Variants in SH3BP1 observed in about 807,000 individuals in gnomAD.
SH3BP1 encodes SH3 domain binding protein 1, also known as SH3 domain-binding protein 1.
SH3BP1 carries 46 observed loss-of-function variants against 69.8 expected under a neutral mutation model. That is an observed-to-expected ratio of 0.66 (90% CI 0.52 to 0.84). The LOEUF (loss-of-function observed/expected upper bound fraction) is 0.84. Among genes scored for constraint, SH3BP1 ranks in the 40% least tolerant of loss-of-function variants. The probability of loss-of-function intolerance (pLI) is 0.00; values close to 1 mark genes in which losing one functional copy is unlikely to be tolerated. For missense variants in SH3BP1, 868 were observed against 930.9 expected, an observed-to-expected ratio of 0.93 and a Z score of 0.88; for synonymous variants, 403 against 378.0, an observed-to-expected ratio of 1.07 and a Z score of -0.77.
chr22:37,650,818 G>A lies in SH3BP1; in HGVS notation c.1598+93G>A, dbSNP rs538528689. Reference sequence around the variant, plus strand: ...CTCAGAGCTGGAAGCTGAATTTTTGGAAATGTAATTATTAGTGTTTTCATC... The same window carrying A: ...CTCAGAGCTGGAAGCTGAATTTTTGAAAATGTAATTATTAGTGTTTTCATC... On this transcript the variant is annotated intron_variant, in intron 16 of 17. Coordinates refer to ENST00000649765, the MANE Select transcript of SH3BP1 (RefSeq NM_018957.6). The A allele has an allele frequency of 7.1e-5, 103 of 1,455,378 alleles. 1 individual carries two copies. In the South Asian group the frequency reaches 1.3e-3, roughly 18 times the overall value. 90.2% of individuals were successfully genotyped at this position (1,455,378 alleles called of 1,614,324 possible). A position where few individuals can be genotyped will look rare whatever the true frequency, so the allele number is the denominator to read the frequency against.
chr22:37,653,017 A>G (rs1932914449), intron 16 of SH3BP1, among the ~76,000 whole-genome samples: 1 of 151,878 alleles, frequency 6.6e-6, no homozygotes, highest in Non-Finnish European at 1.5e-5. Flanking sequence ...CACGCCTGTA[A>G]TCTCAGCTAC....
Position 37,655,773 on chromosome 22 carries a change from A to G in SH3BP1, c.*89A>G. On this transcript the variant is annotated 3_prime_UTR_variant, in exon 18 of 18. Transcript: ENST00000649765. ...CAGCTCTCGCCCCCCACAAAGGGGC[A>G]TGGGCCTCCAGCCTTTGCCCACAAG... is the stretch of plus-strand genomic sequence containing the variant. The G allele has an allele frequency of 6.9e-7, 1 of 1,446,214 alleles. No homozygotes were observed. The highest frequency in any genetic ancestry group is 9.1e-7 in the Non-Finnish European group (1 of 1,104,768). The allele number at this position is 1,446,214 out of a possible 1,614,324, so 89.6% of individuals were successfully genotyped here. A position where few individuals can be genotyped will look rare whatever the true frequency, so the allele number is the denominator to read the frequency against.
At chr22:37,651,335 C>CCTTT (rs1932874962) in intron 16 of SH3BP1, among the ~76,000 whole-genome samples, 1 of 136,694 alleles carries the variant, frequency 7.3e-6, no homozygotes, top group African/African-American at 2.7e-5. Context: ...CACCCAGCCT[C>CCTTT]TTTTTTTTTT....
In SH3BP1 at chr22:37,655,777, G is replaced by C; in HGVS notation, c.*93G>C. On this transcript the variant is annotated 3_prime_UTR_variant, in exon 18 of 18. Coordinates refer to ENST00000649765, the MANE Select transcript of SH3BP1 (RefSeq NM_018957.6). ...TCTCGCCCCCCACAAAGGGGCATGG[G>C]CCTCCAGCCTTTGCCCACAAGTGCC... is the stretch of plus-strand genomic sequence containing the variant. 1 of 1,446,450 alleles carries C rather than the reference G, an allele frequency of 6.9e-7. No homozygotes were observed. Among genetic ancestry groups the C allele is most frequent in the Non-Finnish European group, 9.0e-7 (1 of 1,105,068 alleles). The allele number at this position is 1,446,450 out of a possible 1,614,324, so 89.6% of individuals were successfully genotyped here. A position where few individuals can be genotyped will look rare whatever the true frequency, so the allele number is the denominator to read the frequency against.
At chr22:37,650,291 C>A in intron 15 of SH3BP1, 42 bp downstream of exon 15, 3 of 1,559,052 alleles carry the variant, frequency 1.9e-6, no homozygotes, top group Non-Finnish European at 2.6e-6. Context: ...GGGTGCCCTC[C>A]TTCTGCCCTG....
chr22:37,648,690 A>G (rs1601586919), intron 14 of SH3BP1: 2 of 335,836 alleles, frequency 6.0e-6, no homozygotes, highest in Admixed American at 4.4e-5. Flanking sequence ...GGGAGCCCAG[A>G]GATCGGGTTC....
Position 37,655,608 on chromosome 22 carries a change from C to G in SH3BP1, c.2030C>G (p.Ala677Gly), listed in dbSNP as rs1241904633. 3 of 1,576,026 alleles carry G rather than the reference C, an allele frequency of 1.9e-6. No individual in the cohort carries two copies. The highest frequency in any genetic ancestry group is 1.4e-5 in the African/African-American group (1 of 73,964). ...AATAEGGAPEAISGVPTPPAI... is the reference protein window; with the variant it reads ...AATAEGGAPEGISGVPTPPAI... ...ACAGCAGAGGGAGGAGCCCCTGAGG[C>G]TATCAGTGGGGTCCCCACTCCCCCA... The change falls in exon 18 of 18, where the codon GCT becomes GGT. Residue 677 changes from alanine (A) to glycine (G), a missense_variant. Transcript: ENST00000649765.
At chr22:37,645,613 G>A (rs1037549670) in intron 10 of SH3BP1, 103 bp downstream of exon 10, 8 of 1,338,116 alleles carry the variant, frequency 6.0e-6, no homozygotes, top group East Asian at 4.7e-5. Context: ...TCCCTCATTC[G>A]AGCCCAGCTC....
chr22:37,645,639 G>A, intron 10 of SH3BP1, 129 bp downstream of exon 10: 14 of 1,092,892 alleles, frequency 1.3e-5, no homozygotes, highest in East Asian at 2.5e-5. Flanking sequence ...GAGAAGACAT[G>A]ACTGCCTCCT....
chr22:37,650,757 G>A, intron 16 of SH3BP1, 32 bp downstream of exon 16: 3 of 1,551,092 alleles, frequency 1.9e-6, no homozygotes, highest in Non-Finnish European at 2.6e-6. Context: ...TGGCTCCTGT[G>A]GTACTCCCAC....
At position 37,650,531 on chromosome 22, in the gene SH3BP1, T is replaced by G; in HGVS notation, c.1415-11T>G. On this transcript the variant is annotated splice_polypyrimidine_tract_variant and intron_variant, in intron 15 of 17. Transcript: ENST00000649765. ...GTCTCTGAGAGCCGTCTCCGCTCCT[T>G]CTGTCTCCAGACATCAACTTCAACG... The G allele has an allele frequency of 1.2e-6, 2 of 1,604,000 alleles. No homozygotes were observed. The highest frequency in any genetic ancestry group is 1.7e-6 in the Non-Finnish European group (2 of 1,173,470).
chr22:37,644,683 C>G lies in SH3BP1; in HGVS notation c.665C>G (p.Ser222Cys), dbSNP rs370267463. ...TACCACTTTGTTACCAAGGAGGACT[C>G]CTATGCCAACTACTTCATTCGTGTG... ...DLYHFVTKED[S>C]YANYFIRLLE... The change falls in exon 8 of 18, where the codon TCC becomes TGC. Residue 222 changes from serine (S) to cysteine (C), a missense_variant. Coordinates refer to ENST00000649765, the MANE Select transcript of SH3BP1 (RefSeq NM_018957.6). 6.2e-7 allele frequency: 1 copy of G among 1,614,248 alleles called. No individual in the cohort carries two copies. The highest frequency in any genetic ancestry group is 8.5e-7 in the Non-Finnish European group (1 of 1,180,036).
chr22:37,653,344 G>C (rs1932922680), intron 16 of SH3BP1, among the ~76,000 whole-genome samples: 1 of 151,978 alleles, frequency 6.6e-6, no homozygotes, highest in Non-Finnish European at 1.5e-5. Context: ...GCTGAGGCAG[G>C]ATAATTGCTT....
intron 14 of SH3BP1, 88 bp downstream of exon 14, chr22:37,648,523 T>G: frequency 2.4e-5 from 21 of 878,974 alleles, no homozygotes; most frequent in Non-Finnish European, 2.7e-5. Context: ...GGGGCCTTGG[T>G]GTCCCCATTT....
At chr22:37,655,166 C>A in intron 17 of SH3BP1, 106 bp from the exon 18 acceptor site, 1 of 774,752 alleles carries the variant, frequency 1.3e-6, no homozygotes, top group Non-Finnish European at 2.0e-6. Flanking sequence ...GTGTTCCCGG[C>A]AGAGGGAACA....
At chr22:37,640,542 G>A (rs1932547348) in intron 1 of SH3BP1, 1 of 153,536 alleles carries the variant, frequency 6.5e-6, no homozygotes, top group Non-Finnish European at 1.5e-5. Flanking sequence ...TGGGTCCAGG[G>A]AGGGGACTGG....
At position 37,641,168 on chromosome 22, in the gene SH3BP1, G is replaced by A; in HGVS notation, c.102G>A (p.Gln34=). 1 of 1,548,950 alleles carries A rather than the reference G, an allele frequency of 6.5e-7. No homozygotes were observed. ...TAEFLGEDLL[Q]VEQRLEPAKR... ...AGTTCCTGGGTGAGGACCTGCTGCAGGTACGTGCCTGGGCCGGGCAGGTGG... is the reference window on the plus strand; with the variant it reads ...AGTTCCTGGGTGAGGACCTGCTGCAAGTACGTGCCTGGGCCGGGCAGGTGG... Residue 34 remains glutamine (Q), a splice_region_variant and synonymous_variant, in exon 2 of 18, where the codon CAG becomes CAA. Transcript: ENST00000649765.
In SH3BP1 at chr22:37,650,532, C is replaced by T; in HGVS notation, c.1415-10C>T. 6.2e-7 allele frequency: 1 copy of T among 1,604,100 alleles called. No homozygotes were observed. Among genetic ancestry groups the T allele is most frequent in the Non-Finnish European group, 8.5e-7 (1 of 1,173,548 alleles). On this transcript the variant is annotated splice_polypyrimidine_tract_variant and intron_variant, in intron 15 of 17. Transcript: ENST00000649765. ...TCTCTGAGAGCCGTCTCCGCTCCTTCTGTCTCCAGACATCAACTTCAACGT... is the reference window on the plus strand; with the variant it reads ...TCTCTGAGAGCCGTCTCCGCTCCTTTTGTCTCCAGACATCAACTTCAACGT...
intron 6 of SH3BP1, 54 bp downstream of exon 6, chr22:37,643,228 G>A (rs1339521573): frequency 5.4e-6 from 8 of 1,487,744 alleles, no homozygotes; most frequent in African/African-American, 4.2e-5. Context: ...CACAGAGATG[G>A]TCATAGAGCT....
Sources: allele counts gnomAD v4.1 joint callset (sites outside exome capture counted in the v4.1 genomes callset), GRCh38; gene constraint gnomAD v4.1.1; transcripts MANE v1.5; gene names NCBI Gene and HGNC (gene_info 2026-07-23, HGNC 2026-07-21).